SERINC4: variants seen among roughly 807,000 people sequenced by gnomAD.
The protein encoded by SERINC4 is serine incorporator 4.
A neutral mutation model predicts 52.0 loss-of-function variants in SERINC4; 52 were observed. That is an observed-to-expected ratio of 1.00 (90% confidence interval 0.80 to 1.26). The LOEUF (loss-of-function observed/expected upper bound fraction) is 1.26, where lower values mean the gene tolerates loss of function less well. Ranked by LOEUF, SERINC4 falls within the 50% of genes most tolerant of loss-of-function variation. The probability of loss-of-function intolerance (pLI) is 0.00; values close to 1 mark genes in which losing one functional copy is unlikely to be tolerated. For missense variants in SERINC4, 723 were observed against 632.8 expected, an observed-to-expected ratio of 1.14 and a Z score of -1.53; for synonymous variants, 264 against 247.7, an observed-to-expected ratio of 1.07 and a Z score of -0.62.
At chr15:43,795,801 T>C (rs1274782956) in intron 9 of SERINC4, 65 bp from the exon 10 acceptor site, 1 of 1,536,208 alleles carries the variant, frequency 6.5e-7, no homozygotes. Flanking sequence ...TCTAGGAAAC[T>C]TCCCCCGTGA....
chr15:43,797,337 C>G lies in SERINC4; in HGVS notation c.652G>C (p.Asp218His), dbSNP rs1368616174. 4.0e-5 allele frequency: 62 copies of G among 1,548,280 alleles called. No individual in the cohort carries two copies. Among genetic ancestry groups the G allele is most frequent in the Non-Finnish European group, 5.4e-5 (62 of 1,146,826 alleles). Residue 218 changes from aspartate to histidine, a missense_variant, in exon 6 of 12, where the codon GAC becomes CAC. By Grantham distance (81) the Asp-to-His change is moderately conservative. Coordinates refer to ENST00000319327, the MANE Select transcript of SERINC4 (RefSeq NM_001258031.2). ...NKNWQTGAAQ[D>H]CSWFLAVLLA... ...AGGACAGCCAGGAACCAGCTACAGT[C>G]TTGAGCTGCACCTGTCTGCCTAAGG...
chr15:43,799,308 A>C lies in SERINC4; in HGVS notation c.279+2T>G, dbSNP rs1038973867. 7.1e-6 allele frequency: 11 copies of C among 1,550,148 alleles called. No individual in the cohort carries two copies. The African/African-American group carries it at 1.5e-4, about 21-fold the overall frequency. On this transcript the variant is annotated splice_donor_variant, in intron 2 of 11. Coordinates refer to ENST00000319327, the MANE Select transcript of SERINC4 (RefSeq NM_001258031.2). LOFTEE classifies it high-confidence loss of function. ...CTGACAACCCGACCCCCTCTCACTT[A>C]CCCTGTGTGTCTTGCCCCACACCCT...
intron 9 of SERINC4, 60 bp from the exon 10 acceptor site, chr15:43,795,796 G>C: frequency 6.4e-7 from 1 of 1,556,286 alleles, no homozygotes; most frequent in Non-Finnish European, 8.8e-7. Context: ...GTTAATCTAG[G>C]AAACTTCCCC....
Position 43,799,148 on chromosome 15 carries a change from G to A in SERINC4, c.280-11C>T, listed in dbSNP as rs1047636518. 6.5e-7 allele frequency: 1 copy of A among 1,545,694 alleles called. No homozygotes were observed. The highest frequency in any genetic ancestry group is 8.8e-7 in the Non-Finnish European group (1 of 1,142,818). On this transcript the variant is annotated splice_polypyrimidine_tract_variant and intron_variant, in intron 2 of 11. Coordinates refer to ENST00000319327, the MANE Select transcript of SERINC4 (RefSeq NM_001258031.2). ...CGAGGGCATCTGGATCTGGGAGTGTGTGTGAGAGAAATGGCAGGACAAGTC... is the reference window on the plus strand; with the variant it reads ...CGAGGGCATCTGGATCTGGGAGTGTATGTGAGAGAAATGGCAGGACAAGTC...
At chr15:43,799,809 G>A in intron 1 of SERINC4, 76 bp downstream of exon 1, 1 of 1,116,114 alleles carries the variant, frequency 9.0e-7, no homozygotes, top group South Asian at 1.4e-5. Flanking sequence ...GAGGAGAAAA[G>A]AGGCCTGTCG....
At chr15:43,796,464 C>A in intron 8 of SERINC4, 152 bp downstream of exon 8, 2 of 849,988 alleles carry the variant, frequency 2.4e-6, no homozygotes, top group Non-Finnish European at 3.7e-6. Flanking sequence ...TGACAAAGTA[C>A]TATTCTTAGA....
intron 2 of SERINC4, 52 bp downstream of exon 2, chr15:43,799,258 G>T (rs2087272131): frequency 6.5e-7 from 1 of 1,529,110 alleles, no homozygotes; most frequent in Admixed American, 2.0e-5. Flanking sequence ...TCTATCTTAG[G>T]GTTTTTCCTT....
chr15:43,798,022 T>C lies in SERINC4; in HGVS notation c.539-9A>G, dbSNP rs2087247239. On this transcript the variant is annotated splice_polypyrimidine_tract_variant and intron_variant, in intron 4 of 11. Coordinates refer to ENST00000319327, the MANE Select transcript of SERINC4 (RefSeq NM_001258031.2). The stretch of plus-strand genomic sequence containing the variant: ...GCCAATGTAATGCCATGCTGCAAGA[T>C]GGGCACCAGTGGAAAAATGTCAAAT... 6.3e-7 allele frequency: 1 copy of C among 1,588,994 alleles called. No homozygotes were observed.
chr15:43,795,038 G>C lies in SERINC4; in HGVS notation c.1519C>G (p.Arg507Gly), dbSNP rs574879721. 6 of 1,612,574 alleles carry C rather than the reference G, an allele frequency of 3.7e-6. No individual in the cohort carries two copies. The highest frequency in any genetic ancestry group is 5.1e-6 in the Non-Finnish European group (6 of 1,179,978). ...QPLILRRRRH[R>G]IISPDNKYPP... is the part of the protein sequence containing the mutation. ...TATTTGTTATCTGGGGATATGATGC[G>C]GTGGCGGCGGCGCCTCAAGATAAGG... The change falls in exon 12 of 12, where the codon CGC becomes GGC. Residue 507 changes from arginine (R) to glycine (G), a missense_variant. Physicochemically the swap from Arg to Gly is moderately radical, Grantham distance 125. Transcript: ENST00000319327.
intron 8 of SERINC4, 50 bp downstream of exon 8, chr15:43,796,566 T>C (rs1198055172): frequency 4.4e-6 from 7 of 1,603,462 alleles, no homozygotes; most frequent in Admixed American, 1.7e-5. Context: ...CATCCTTCCC[T>C]GTCTTGGGCA....
At chr15:43,796,255 G>C in intron 8 of SERINC4, 28 bp from the exon 9 acceptor site, 1 of 1,577,844 alleles carries the variant, frequency 6.3e-7, no homozygotes, top group Non-Finnish European at 8.7e-7. Flanking sequence ...TCTTAAGCTG[G>C]TTTAGTTAAA....
chr15:43,797,943 A>C lies in SERINC4; in HGVS notation c.609T>G (p.Phe203Leu). 1 of 1,613,746 alleles carries C rather than the reference A, an allele frequency of 6.2e-7. No homozygotes were observed. Among genetic ancestry groups the C allele is most frequent in the Non-Finnish European group, 8.5e-7 (1 of 1,179,622 alleles). The change falls in exon 5 of 12, where the codon TTT becomes TTG. Residue 203 changes from phenylalanine to leucine, a missense_variant. Coordinates refer to ENST00000319327, the MANE Select transcript of SERINC4 (RefSeq NM_001258031.2). ...ILLQLVLITA[F>L]AHSWNKNWQT... Reference sequence around the variant, plus strand: ...ACCAGTTCTTGTTCCAGGAATGGGCAAAAGCTGTAATAAGCACCAACTGCA... The same window carrying C: ...ACCAGTTCTTGTTCCAGGAATGGGCCAAAGCTGTAATAAGCACCAACTGCA...
chr15:43,795,519 C>T lies in SERINC4; in HGVS notation c.1212G>A (p.Arg404=). ...ADKGQRGGAA[R]PADQETPPAP... ...CTGGAGGGGTTTCTTGGTCAGCTGG[C>T]CTCGCAGCCCCACCCCTTTGCCCTG... is the stretch of plus-strand genomic sequence containing the variant. Residue 404 remains arginine, a synonymous_variant, in exon 11 of 12, where the codon AGG becomes AGA. Transcript: ENST00000319327. The T allele has an allele frequency of 6.2e-7, 1 of 1,614,170 alleles. No homozygotes were observed.
chr15:43,798,028 C>T lies in SERINC4; in HGVS notation c.539-15G>A, dbSNP rs2087247352. 3.2e-6 allele frequency: 5 copies of T among 1,580,700 alleles called. No individual in the cohort carries two copies. Among genetic ancestry groups the T allele is most frequent in the Admixed American group, 1.7e-5 (1 of 58,576 alleles). The stretch of plus-strand genomic sequence containing the variant: ...GTAATGCCATGCTGCAAGATGGGCA[C>T]CAGTGGAAAAATGTCAAATTGTTAC... On this transcript the variant is annotated splice_polypyrimidine_tract_variant and intron_variant, in intron 4 of 11. Transcript: ENST00000319327.
At position 43,794,772 on chromosome 15, in the gene SERINC4, T is replaced by C. The variant is rs2087162598; in HGVS notation, c.*228A>G. ...TTCTTTGAGCTGCTGATTTGGGTGT[T>C]AGGCTCTTGAGCTGGGATGCAGATG... On this transcript the variant is annotated 3_prime_UTR_variant, in exon 12 of 12. Coordinates refer to ENST00000319327, the MANE Select transcript of SERINC4 (RefSeq NM_001258031.2). 2.0e-6 allele frequency: 1 copy of C among 503,290 alleles called. No homozygotes were observed. The highest frequency in any genetic ancestry group is 3.6e-6 in the Non-Finnish European group (1 of 281,326). 31.2% of individuals were successfully genotyped at this position (503,290 alleles called of 1,614,324 possible). A position where few individuals can be genotyped will look rare whatever the true frequency, so the allele number is the denominator to read the frequency against.
rs1416952617 is a variant in SERINC4, at chr15:43,795,442, A to C, written c.1289T>G (p.Phe430Cys). The stretch of plus-strand genomic sequence containing the variant: ...ATAGAGTGAGGCAAGGAAGAAGACG[A>C]AGTGGAAGGCAGAATAGTTGTAGGA... ...HLSYNYSAFH[F>C]VFFLASLYVM... Residue 430 changes from phenylalanine to cysteine, a missense_variant, in exon 11 of 12, where the codon TTC (phenylalanine) becomes TGC (cysteine). Physicochemically the swap from Phe to Cys is radical, Grantham distance 205. Transcript: ENST00000319327. 1 of 1,614,200 alleles carries C rather than the reference A, an allele frequency of 6.2e-7. No homozygotes were observed. The highest frequency in any genetic ancestry group is 8.5e-7 in the Non-Finnish European group (1 of 1,180,042).
chr15:43,795,057 G>C lies in SERINC4; in HGVS notation c.1500C>G (p.Ile500Met). 1 of 1,612,372 alleles carries C rather than the reference G, an allele frequency of 6.2e-7. No individual in the cohort carries two copies. Among genetic ancestry groups the C allele is most frequent in the Non-Finnish European group, 8.5e-7 (1 of 1,179,320 alleles). The change falls in exon 12 of 12, where the codon ATC becomes ATG. Residue 500 changes from isoleucine (I) to methionine (M), a missense_variant. Coordinates refer to ENST00000319327, the MANE Select transcript of SERINC4 (RefSeq NM_001258031.2). ...TGATGCGGTGGCGGCGGCGCCTCAA[G>C]ATAAGGGGCTGGGGTTTCTGGGTGG... ...WPPTQKPQPL[I>M]LRRRRHRIIS... is the part of the protein sequence containing the mutation.
Position 43,798,666 on chromosome 15 carries a change from C to T in SERINC4, c.459-162G>A, listed in dbSNP as rs903716739. 5 of 634,606 alleles carry T rather than the reference C, an allele frequency of 7.9e-6. No homozygotes were observed. In the African/African-American group the frequency reaches 9.2e-5, roughly 12 times the overall value. 39.3% of individuals were successfully genotyped at this position (634,606 alleles called of 1,614,324 possible). ...CCAAATGAGAGGGGGTTGGGACAGG[C>T]CTACTGCACCTTATTCCAAATTCTA... On this transcript the variant is annotated intron_variant, in intron 3 of 11. Transcript: ENST00000319327.
chr15:43,794,776 C>A lies in SERINC4; in HGVS notation c.*224G>T. 2.0e-6 allele frequency: 1 copy of A among 510,136 alleles called. No individual in the cohort carries two copies. Among genetic ancestry groups the A allele is most frequent in the Non-Finnish European group, 3.5e-6 (1 of 285,206 alleles). The allele number at this position is 510,136 out of a possible 1,614,324, so 31.6% of individuals were successfully genotyped here. A position where few individuals can be genotyped will look rare whatever the true frequency, so the allele number is the denominator to read the frequency against. On this transcript the variant is annotated 3_prime_UTR_variant, in exon 12 of 12. Transcript: ENST00000319327. ...TTGAGCTGCTGATTTGGGTGTTAGGCTCTTGAGCTGGGATGCAGATGTAAC... is the reference window on the plus strand; with the variant it reads ...TTGAGCTGCTGATTTGGGTGTTAGGATCTTGAGCTGGGATGCAGATGTAAC...
Sources: gnomAD v4.1 joint callset for allele counts on GRCh38, gnomAD v4.1.1 for gene constraint, MANE v1.5 for transcripts, NCBI Gene and HGNC (gene_info 2026-07-23, HGNC 2026-07-21) for gene names.